Variants in MAMDC2 observed in about 807,000 individuals in gnomAD.
MAMDC2 encodes MAM domain containing 2.
In MAMDC2, 57 loss-of-function variants were observed where a neutral mutation model predicts 89.8. The observed-to-expected ratio is 0.63, with a 90% CI of 0.51 to 0.79. The LOEUF is 0.79. Among genes scored for constraint, MAMDC2 ranks in the 30% least tolerant of loss-of-function variants. MAMDC2 has a pLI of 0.00. For missense variants in MAMDC2, 800 were observed against 820.6 expected (o/e 0.97, Z 0.31); for synonymous variants, 313 against 293.4 (o/e 1.07, Z -0.68).
intron 2 of MAMDC2, chr9:70,086,273 A>T (rs910340562): frequency 1.3e-5 from 2 of 152,304 alleles, no homozygotes; most frequent in South Asian, 2.1e-4. Context: ...CTTTCATAAA[A>T]ATTATCCTCC....
chr9:70,126,308 A>G lies in MAMDC2; in HGVS notation c.793A>G (p.Thr265Ala), dbSNP rs556405614. 1.2e-5 allele frequency: 20 copies of G among 1,613,942 alleles called. No homozygotes were observed. Among genetic ancestry groups the G allele is most frequent in the Non-Finnish European group, 1.6e-5 (19 of 1,179,990 alleles). ...QGNDNVFSLY[T>A]RDVAGLYEEI... ...GAATGACAATGTCTTTTCCCTTTAC[A>G]CTCGGGATGTGGCTGGCCTTTACGA... is the stretch of plus-strand genomic sequence containing the variant. The change falls in exon 6 of 14, where the codon ACT becomes GCT. Residue 265 changes from threonine to alanine, a missense_variant. Thr to Ala is a moderately conservative substitution (Grantham distance 58, BLOSUM62 0). Coordinates refer to ENST00000377182, the MANE Select transcript of MAMDC2 (RefSeq NM_153267.5).
At chr9:70,055,165 G>T (rs114673974) in intron 2 of MAMDC2, among the ~76,000 whole-genome samples, 22 of 152,112 alleles carry the variant, frequency 1.4e-4, no homozygotes, top group Non-Finnish European at 2.6e-4. Context: ...AAGTAGTTCC[G>T]AGTGAGAAGT....
chr9:70,165,505 T>G (rs1382176951), intron 9 of MAMDC2, among the ~76,000 whole-genome samples: 2 of 152,238 alleles, frequency 1.3e-5, no homozygotes, highest in East Asian at 3.8e-4. Context: ...AGTAGCTGAC[T>G]AACCTTAGGG....
chr9:70,180,634 C>T (rs1350391132), intron 11 of MAMDC2, among the ~76,000 whole-genome samples: 2 of 152,036 alleles, frequency 1.3e-5, no homozygotes, highest in Non-Finnish European at 2.9e-5. Context: ...AGCTTTTTTT[C>T]ATGTTTGTTG....
At chr9:70,170,807 TG>T (rs1443414818) in intron 11 of MAMDC2, 176 bp downstream of exon 11, 5 of 549,244 alleles carry the variant, frequency 9.1e-6, no homozygotes, top group African/African-American at 3.9e-5. Context: ...TCATCCTTTC[TG>T]TTTATTACAT....
chr9:70,214,898 A>C (rs1073540), intron 11 of MAMDC2, among the ~76,000 whole-genome samples: 10,469 of 152,198 alleles, frequency 0.069, 569 homozygotes, highest in East Asian at 0.22. Context: ...CAGGAAGTTG[A>C]GTTTTGAATA....
intron 5 of MAMDC2, among the ~76,000 whole-genome samples, chr9:70,125,690 C>T (rs147713646): frequency 1.7e-4 from 26 of 152,324 alleles, no homozygotes; most frequent in African/African-American, 6.0e-4. Context: ...TAATTGTAAA[C>T]ATGTGCAGGA....
At chr9:70,043,683 A>AG, upstream of MAMDC2, 1 of 159,152 alleles carries the variant, frequency 6.3e-6, no homozygotes, top group Non-Finnish European at 1.4e-5. Flanking sequence ...TGCCAGATGC[A>AG]GGGAAGCTGT....
At chr9:70,139,516 A>G (rs1479625604) in intron 7 of MAMDC2, among the ~76,000 whole-genome samples, 1 of 151,682 alleles carries the variant, frequency 6.6e-6, no homozygotes, top group Admixed American at 6.6e-5. Flanking sequence ...AATCCAGTCT[A>G]TCATTGTTGG....
At chr9:70,185,439 C>T (rs569272002) in intron 11 of MAMDC2, among the ~76,000 whole-genome samples, 10 of 152,314 alleles carry the variant, frequency 6.6e-5, no homozygotes, top group African/African-American at 2.4e-4. Context: ...TGTCAGGATC[C>T]ACTGTTCTCT....
intron 11 of MAMDC2, among the ~76,000 whole-genome samples, chr9:70,206,611 A>G (rs560856620): frequency 6.6e-6 from 1 of 151,784 alleles, no homozygotes; most frequent in Non-Finnish European, 1.5e-5. Flanking sequence ...TTTGTTTCAT[A>G]TTTTTTTTGG....
At chr9:70,145,204 C>T (rs910657096) in intron 9 of MAMDC2, among the ~76,000 whole-genome samples, 21 of 152,182 alleles carry the variant, frequency 1.4e-4, no homozygotes, top group South Asian at 2.1e-4. Context: ...GTATTCCTTA[C>T]GTGATTTTAT....
At chr9:70,194,986 C>T (rs577757382) in intron 11 of MAMDC2, among the ~76,000 whole-genome samples, 1 of 151,896 alleles carries the variant, frequency 6.6e-6, no homozygotes, top group Non-Finnish European at 1.5e-5. Context: ...TATTCACATA[C>T]AAGAAAAATA....
rs1198103428 is a variant in MAMDC2 at position 70,140,272 on chromosome 9, C to A, written c.1122C>A (p.Asp374Glu). ...KVKPNMYRAG[D>E]HTTGLGYYLL... ...AACCAAACATGTATCGGGCTGGAGA[C>A]CACACTACAGGCTTAGGTAAATCAG... is the stretch of plus-strand genomic sequence containing the variant. The change falls in exon 8 of 14, where the codon GAC (aspartate) becomes GAA (glutamate). Residue 374 changes from aspartate (D) to glutamate (E), a missense_variant. By Grantham distance (45) the Asp-to-Glu change is conservative. Coordinates refer to ENST00000377182, the MANE Select transcript of MAMDC2 (RefSeq NM_153267.5). The A allele has an allele frequency of 6.2e-7, 1 of 1,601,388 alleles. No homozygotes were observed. Among genetic ancestry groups the A allele is most frequent in the Non-Finnish European group, 8.5e-7 (1 of 1,175,284 alleles).
intron 2 of MAMDC2, among the ~76,000 whole-genome samples, chr9:70,064,586 T>A (rs1284071615): frequency 6.6e-6 from 1 of 152,136 alleles, no homozygotes; most frequent in Non-Finnish European, 1.5e-5. Context: ...TGAGTCTGTG[T>A]GAGTGTGTGT....
intron 11 of MAMDC2, among the ~76,000 whole-genome samples, chr9:70,204,665 C>G (rs1198298963): frequency 1.3e-5 from 2 of 151,648 alleles, no homozygotes; most frequent in Non-Finnish European, 1.5e-5. Flanking sequence ...CTCGCTGGCG[C>G]CTTGCAGTTT....
chr9:70,085,006 T>C (rs1238427344), intron 2 of MAMDC2, among the ~76,000 whole-genome samples: 4 of 152,064 alleles, frequency 2.6e-5, no homozygotes, highest in African/African-American at 9.7e-5. Flanking sequence ...ATACATAATT[T>C]ACTATATCAC....
chr9:70,201,689 C>G (rs774817549), intron 11 of MAMDC2, among the ~76,000 whole-genome samples: 2 of 127,470 alleles, frequency 1.6e-5, no homozygotes, highest in African/African-American at 3.3e-5. Context: ...GTCCTGGACT[C>G]TTTTTGGTTG....
chr9:70,134,168 C>T (rs2030916348), intron 7 of MAMDC2, among the ~76,000 whole-genome samples: 1 of 152,110 alleles, frequency 6.6e-6, no homozygotes, highest in Admixed American at 6.5e-5. Context: ...TATCAACATA[C>T]ACAGCATCTT....
Sources: allele counts gnomAD v4.1 joint callset (sites outside exome capture counted in the v4.1 genomes callset), GRCh38; gene constraint gnomAD v4.1.1; transcripts MANE v1.5; gene names NCBI Gene and HGNC (gene_info 2026-07-23, HGNC 2026-07-21).